MYOM1: variants seen among roughly 807,000 people sequenced by gnomAD.
The protein encoded by MYOM1 is myomesin-1.
In MYOM1, 164 loss-of-function variants were observed where a neutral mutation model predicts 205.3. The ratio of observed to expected loss-of-function variants is 0.80; its 90% CI spans 0.70 to 0.91. The LOEUF is 0.91. Ranked by LOEUF, MYOM1 falls within the 40% of genes least tolerant of loss-of-function variation. The pLI, the probability that MYOM1 is intolerant of heterozygous loss-of-function variation, is 0.00. For missense variants in MYOM1, 2,011 were observed against 2,127.3 expected (o/e 0.95, Z 1.08); for synonymous variants, 772 against 789.4 (o/e 0.98, Z 0.37).
intron 20 of MYOM1, among the ~76,000 whole-genome samples, chr18:3,117,666 T>G (rs1190897991): frequency 6.6e-6 from 1 of 152,198 alleles, no homozygotes; most frequent in African/African-American, 2.4e-5. Context: ...TTCCTTTTTT[T>G]TTTTTTAAAT....
chr18:3,243,960 G>A, the MYOM1 span, among the ~76,000 whole-genome samples: 1 of 152,140 alleles, frequency 6.6e-6, no homozygotes, highest in East Asian at 1.9e-4. Flanking sequence ...AGGAGCAATG[G>A]ATAGTGACCT....
intron 13 of MYOM1, among the ~76,000 whole-genome samples, chr18:3,148,101 C>G (rs978387273): frequency 1.3e-5 from 2 of 152,132 alleles, no homozygotes; most frequent in Non-Finnish European, 2.9e-5. Flanking sequence ...AGTGACAATG[C>G]GGGAGCAAGT....
chr18:3,157,906 C>T (rs1182133988), intron 10 of MYOM1, among the ~76,000 whole-genome samples: 2 of 151,744 alleles, frequency 1.3e-5, no homozygotes, highest in Non-Finnish European at 2.9e-5. Flanking sequence ...CCTTCCCTCT[C>T]CCAGCCCTCC....
At chr18:3,237,598 CAAA>C in the MYOM1 span, among the ~76,000 whole-genome samples, 1,119 of 53,600 alleles carry the variant, frequency 0.021, 10 homozygotes, top group African/African-American at 0.038. Context: ...GACTCCGTCT[CAAA>C]AAAAAAAAAA....
intron 2 of MYOM1, among the ~76,000 whole-genome samples, 173 bp downstream of exon 2, chr18:3,214,761 G>A (rs1218878373): frequency 6.6e-6 from 1 of 152,190 alleles, no homozygotes; most frequent in Non-Finnish European, 1.5e-5. Context: ...AGGCAGCAGA[G>A]GTTGCAGGGA....
At position 3,179,960 on chromosome 18, in the gene MYOM1, G is replaced by A. The variant is rs145417547; in HGVS notation, c.930-3826C>T. Among the ~76,000 whole-genome samples, 8 of 151,942 alleles carry A rather than the reference G, an allele frequency of 5.3e-5. No individual in the cohort carries two copies. The highest frequency in any genetic ancestry group is 5.2e-4 in the Admixed American group (8 of 15,242). ...ACTCAGTGACACTCAATTCGGCTTC[G>A]GATCAAAAGTATTGCTCATATCTCT... On this transcript the variant is annotated intron_variant, in intron 5 of 37. Coordinates refer to ENST00000356443, the MANE Select transcript of MYOM1 (RefSeq NM_003803.4). This position sits in a 1 kb window ranked among gnomAD's most constrained non-coding sequence, Gnocchi z 4.4.
intron 21 of MYOM1, among the ~76,000 whole-genome samples, chr18:3,115,280 G>A (rs970169103): frequency 1.3e-5 from 2 of 152,178 alleles, no homozygotes; most frequent in Non-Finnish European, 2.9e-5. Flanking sequence ...CTGGAGAGCT[G>A]ATTGGCATAT....
In MYOM1 at chr18:3,147,189, T is replaced by C. The variant is rs1391073818; in HGVS notation, c.1900+1956A>G. On this transcript the variant is annotated intron_variant, in intron 13 of 37. Transcript: ENST00000356443. ...TATATATATAAAAAGTCAGATACTC[T>C]AACTTTTTGTCAGAGTTTGTGCAAA... Among the ~76,000 whole-genome samples the C allele has an allele frequency of 3.5e-5, 5 of 140,912 alleles. No individual in the cohort carries two copies. In the East Asian group the frequency reaches 9.7e-4, roughly 27 times the overall value. 92.4% of individuals were successfully genotyped at this position (140,912 alleles called of 152,430 possible).
chr18:3,243,759 T>A, the MYOM1 span, among the ~76,000 whole-genome samples: 1 of 152,210 alleles, frequency 6.6e-6, no homozygotes. Context: ...TATTTGAGCT[T>A]GTGTCCCAAT....
At chr18:3,144,504 G>T (rs1053445185) in intron 13 of MYOM1, among the ~76,000 whole-genome samples, 1 of 152,030 alleles carries the variant, frequency 6.6e-6, no homozygotes, top group African/African-American at 2.4e-5. Flanking sequence ...AAATGTAAAT[G>T]GTTAAAACAC....
At chr18:3,148,628 A>G (rs1326428375) in intron 13 of MYOM1, among the ~76,000 whole-genome samples, 5 of 152,048 alleles carry the variant, frequency 3.3e-5, no homozygotes, top group African/African-American at 7.2e-5. Context: ...CGGGCGGATC[A>G]CGAGGTCAGG....
intron 11 of MYOM1, among the ~76,000 whole-genome samples, chr18:3,153,677 T>C (rs770051743): frequency 6.6e-6 from 1 of 152,220 alleles, no homozygotes; most frequent in African/African-American, 2.4e-5. Context: ...AAATAGTATA[T>C]AATTTATTAG....
At chr18:3,148,937 A>T (rs1163665281) in intron 13 of MYOM1, among the ~76,000 whole-genome samples, 2 of 151,044 alleles carry the variant, frequency 1.3e-5, no homozygotes, top group Non-Finnish European at 2.9e-5. Flanking sequence ...CATGTTACAT[A>T]TTTGCAGTAT....
At chr18:3,091,277 T>C (rs941788045) in intron 26 of MYOM1, among the ~76,000 whole-genome samples, 3 of 151,760 alleles carry the variant, frequency 2.0e-5, no homozygotes, top group Non-Finnish European at 2.9e-5. Context: ...GATCGCACCA[T>C]TGCACTCCAG....
At chr18:3,156,247 G>A (rs1291326842) in intron 10 of MYOM1, among the ~76,000 whole-genome samples, 3 of 152,308 alleles carry the variant, frequency 2.0e-5, no homozygotes, top group South Asian at 2.1e-4. Context: ...AGAAGAGGCT[G>A]AGACATGCAG....
At chr18:3,067,997 G>A (rs1005094750) in intron 37 of MYOM1, among the ~76,000 whole-genome samples, 2 of 151,942 alleles carry the variant, frequency 1.3e-5, no homozygotes, top group African/African-American at 2.4e-5. Context: ...GCAGAATCAC[G>A]GCAGCTGCTT....
At chr18:3,156,889 G>A (rs1010833121) in intron 10 of MYOM1, among the ~76,000 whole-genome samples, 1 of 152,188 alleles carries the variant, frequency 6.6e-6, no homozygotes, top group African/African-American at 2.4e-5. Flanking sequence ...GATTACAGGC[G>A]TGAGCCACCG....
At chr18:3,237,048 A>G in the MYOM1 span, among the ~76,000 whole-genome samples, 4 of 152,230 alleles carry the variant, frequency 2.6e-5, no homozygotes, top group African/African-American at 9.6e-5. Context: ...GGTGACCTTG[A>G]CGAGCACACA....
At chr18:3,133,117 C>T (rs1045357632) in intron 16 of MYOM1, among the ~76,000 whole-genome samples, 5 of 152,018 alleles carry the variant, frequency 3.3e-5, no homozygotes, top group Non-Finnish European at 1.5e-5. Flanking sequence ...CTCCTGCCTA[C>T]GCACCACCAG....
Sources: allele counts gnomAD v4.1 joint callset (sites outside exome capture counted in the v4.1 genomes callset), GRCh38; gene constraint gnomAD v4.1.1; non-coding constraint Gnocchi (gnomAD v3.1); transcripts MANE v1.5; gene names NCBI Gene and HGNC (gene_info 2026-07-23, HGNC 2026-07-21).